The following PATJ variants were observed in gnomAD, a reference collection of about 807,000 sequenced individuals.
PATJ encodes the protein inaD-like protein.
PATJ carries 190 observed loss-of-function variants against 224.9 expected under a neutral mutation model. That is an observed-to-expected ratio of 0.84 (90% CI 0.75 to 0.95). The LOEUF is 0.95. PATJ is among the 40% of genes least tolerant of loss of function. The pLI, the probability that PATJ is intolerant of heterozygous loss-of-function variation, is 0.00. For missense variants in PATJ, 2,121 were observed against 2,270.3 expected, an observed-to-expected ratio of 0.93 and a Z score of 1.34; for synonymous variants, 769 against 820.3, an observed-to-expected ratio of 0.94 and a Z score of 1.07.
chr1:61,814,487 T>A (rs1255427077), intron 14 of PATJ, among the ~76,000 whole-genome samples: 1 of 151,744 alleles, frequency 6.6e-6, no homozygotes, highest in Non-Finnish European at 1.5e-5. Flanking sequence ...CATATTTATG[T>A]ATTTGCAGTC....
chr1:61,957,550 A>G (rs1680610827), intron 27 of PATJ, among the ~76,000 whole-genome samples: 1 of 152,144 alleles, frequency 6.6e-6, no homozygotes, highest in African/African-American at 2.4e-5. Context: ...AATATGATTT[A>G]TGCATTGCAC....
chr1:62,015,066 G>A (rs528460100), intron 28 of PATJ, among the ~76,000 whole-genome samples: 7 of 152,184 alleles, frequency 4.6e-5, no homozygotes, highest in African/African-American at 1.7e-4. Flanking sequence ...TTGGGAGTCC[G>A]AGGAGGGCGG....
At chr1:61,915,350 G>T (rs2149237668) in intron 26 of PATJ, among the ~76,000 whole-genome samples, 1 of 152,248 alleles carries the variant, frequency 6.6e-6, no homozygotes, top group South Asian at 2.1e-4. Flanking sequence ...TGTTCCATTT[G>T]ATCAACTTGT....
chr1:61,795,245 TA>T (rs1350343217), intron 9 of PATJ, among the ~76,000 whole-genome samples: 1 of 152,276 alleles, frequency 6.6e-6, no homozygotes. Flanking sequence ...CACTACTGAT[TA>T]TTTTAACGGA....
intron 31 of PATJ, chr1:62,072,949 C>T (rs1453082829): frequency 1.4e-6 from 1 of 731,934 alleles, no homozygotes; most frequent in Non-Finnish European, 1.7e-6. Context: ...ATTAAATGTA[C>T]TAACTGCTGA....
chr1:62,134,079 T>C (rs1241050793), intron 41 of PATJ, among the ~76,000 whole-genome samples: 1 of 151,942 alleles, frequency 6.6e-6, no homozygotes, highest in Non-Finnish European at 1.5e-5. Flanking sequence ...CTCCTAGGTA[T>C]TGGTGATGCT....
At chr1:61,814,556 G>GCA (rs1655706613) in intron 14 of PATJ, among the ~76,000 whole-genome samples, 2 of 151,756 alleles carry the variant, frequency 1.3e-5, no homozygotes, top group Admixed American at 6.6e-5. Context: ...GTGCGCGCGC[G>GCA]CGCGCATGTA....
intron 1 of PATJ, among the ~76,000 whole-genome samples, chr1:61,753,198 G>T (rs1645428106): frequency 6.6e-6 from 1 of 152,026 alleles, no homozygotes; most frequent in East Asian, 1.9e-4. Flanking sequence ...ACTTGATATT[G>T]ATAAGCATAA....
chr1:61,763,044 C>A lies in PATJ; in HGVS notation c.54C>A (p.Arg18=), dbSNP rs1646053600. 1 of 1,611,004 alleles carries A rather than the reference C, an allele frequency of 6.2e-7. No homozygotes were observed. The highest frequency in any genetic ancestry group is 1.7e-4 in the Middle Eastern group (1 of 5,958). ...TGCAGGTGCTGCAGGTACTTGATCG[C>A]CTGAAAATGAAATTGCAGGAGAAGG... ...DKLQVLQVLD[R]LKMKLQEKGD... The change falls in exon 3 of 44, where the codon CGC becomes CGA. Residue 18 remains arginine, a synonymous_variant. Transcript: ENST00000642238.
At chr1:61,810,626 G>A (rs530309302) in intron 14 of PATJ, among the ~76,000 whole-genome samples, 10 of 152,146 alleles carry the variant, frequency 6.6e-5, no homozygotes, top group Admixed American at 3.9e-4. Flanking sequence ...GAACCCAGGA[G>A]GCAGAGATTG....
chr1:61,916,704 A>G (rs2149243629), intron 26 of PATJ, among the ~76,000 whole-genome samples: 1 of 152,340 alleles, frequency 6.6e-6, no homozygotes, highest in South Asian at 2.1e-4. Flanking sequence ...AAAGAGTTTA[A>G]TGCATACAGA....
intron 7 of PATJ, among the ~76,000 whole-genome samples, chr1:61,787,196 C>T (rs568655109): frequency 1.3e-5 from 2 of 152,312 alleles, no homozygotes; most frequent in African/African-American, 4.8e-5. Context: ...CAGGTAATGT[C>T]ACTCCTCTGT....
chr1:62,108,395 A>G, intron 33 of PATJ, 42 bp from the exon 34 acceptor site: 1 of 1,283,640 alleles, frequency 7.8e-7, no homozygotes, highest in Non-Finnish European at 1.1e-6. Flanking sequence ...TTAAGGAAGC[A>G]TTTGTGGTTG....
At chr1:61,785,098 T>G (rs1367304644) in intron 7 of PATJ, among the ~76,000 whole-genome samples, 2 of 152,184 alleles carry the variant, frequency 1.3e-5, no homozygotes. Context: ...GACTTTTCAG[T>G]CTAAGGGTTT....
At chr1:62,101,266 T>C (rs1490539204) in intron 33 of PATJ, among the ~76,000 whole-genome samples, 2 of 148,372 alleles carry the variant, frequency 1.3e-5, no homozygotes, top group African/African-American at 4.9e-5. Context: ...TTTCTTTTTT[T>C]TTTTTTTTTT....
At chr1:61,779,208 A>C (rs1465706356) in intron 7 of PATJ, among the ~76,000 whole-genome samples, 2 of 152,200 alleles carry the variant, frequency 1.3e-5, no homozygotes, top group African/African-American at 4.8e-5. Flanking sequence ...TTTAAAAAAG[A>C]TATTATTTTA....
At chr1:61,969,867 T>C (rs1682698377) in intron 27 of PATJ, among the ~76,000 whole-genome samples, 1 of 152,040 alleles carries the variant, frequency 6.6e-6, no homozygotes, top group South Asian at 2.1e-4. Context: ...CTAATTTTGG[T>C]ATTTTTAGTA....
intron 20 of PATJ, among the ~76,000 whole-genome samples, chr1:61,871,446 C>CAT (rs1330079342): frequency 8.0e-5 from 3 of 37,488 alleles, no homozygotes; most frequent in South Asian, 1.1e-3. Context: ...TGTATATACA[C>CAT]ATATATATGC....
intron 1 of PATJ, among the ~76,000 whole-genome samples, chr1:61,745,481 C>T (rs548039924): frequency 3.9e-5 from 6 of 152,082 alleles, no homozygotes; most frequent in Non-Finnish European, 8.8e-5. Flanking sequence ...ACCATATTGG[C>T]CAGGCTGGTC....
Sources: allele counts gnomAD v4.1 joint callset (sites outside exome capture counted in the v4.1 genomes callset), GRCh38; gene constraint gnomAD v4.1.1; transcripts MANE v1.5; gene names NCBI Gene and HGNC (gene_info 2026-07-23, HGNC 2026-07-21).